Variants in SGK3 observed in about 807,000 individuals in gnomAD.
SGK3 encodes serum/glucocorticoid regulated kinase family member 3.
SGK3 carries 47 observed loss-of-function variants against 68.5 expected under a neutral mutation model. The observed-to-expected ratio is 0.69, with a 90% CI of 0.54 to 0.87. The LOEUF (loss-of-function observed/expected upper bound fraction) is 0.87. SGK3 is among the 40% of genes least tolerant of loss of function. SGK3 has a pLI of 0.00. For missense variants in SGK3, 479 were observed against 575.5 expected, an observed-to-expected ratio of 0.83 and a Z score of 1.72; for synonymous variants, 181 against 189.1, an observed-to-expected ratio of 0.96 and a Z score of 0.35.
chr8:66,755,133 C>G (rs1805935938), intron 1 of SGK3, among the ~76,000 whole-genome samples: 2 of 151,948 alleles, frequency 1.3e-5, no homozygotes, highest in Admixed American at 6.6e-5. Flanking sequence ...GTGCAGCACT[C>G]CTATAATCCC....
intron 1 of SGK3, among the ~76,000 whole-genome samples, chr8:66,762,806 C>T (rs1328933294): frequency 6.6e-6 from 1 of 152,166 alleles, no homozygotes; most frequent in Non-Finnish European, 1.5e-5. Context: ...CCTGTAGGAT[C>T]TCCCACTAAA....
chr8:66,806,830 A>C (rs922506612), intron 4 of SGK3, among the ~76,000 whole-genome samples: 1 of 151,902 alleles, frequency 6.6e-6, no homozygotes, highest in African/African-American at 2.4e-5. Flanking sequence ...AAAAAAAAAA[A>C]AGAAAACACA....
intron 1 of SGK3, among the ~76,000 whole-genome samples, chr8:66,753,136 A>G (rs1347445156): frequency 6.6e-6 from 1 of 152,224 alleles, no homozygotes; most frequent in African/African-American, 2.4e-5. Context: ...GTACAACAAC[A>G]TTATTATATT....
At chr8:66,774,469 G>C (rs1052188862) in intron 1 of SGK3, among the ~76,000 whole-genome samples, 1 of 152,020 alleles carries the variant, frequency 6.6e-6, no homozygotes, top group East Asian at 1.9e-4. Context: ...TTATTGGCTT[G>C]ATGCTTCCAG....
chr8:66,811,297 C>T (rs1041070875), intron 4 of SGK3, among the ~76,000 whole-genome samples: 5 of 152,170 alleles, frequency 3.3e-5, no homozygotes, highest in South Asian at 4.1e-4. Context: ...GGATTACAGA[C>T]GTGAGCCACT....
chr8:66,807,981 G>A (rs1469366034), intron 4 of SGK3, among the ~76,000 whole-genome samples: 1 of 150,956 alleles, frequency 6.6e-6, no homozygotes, highest in African/African-American at 2.4e-5. Flanking sequence ...CCATTAAATG[G>A]AAAAAAAAAT....
intron 14 of SGK3, among the ~76,000 whole-genome samples, chr8:66,844,075 C>G (rs1809912629): frequency 6.9e-6 from 1 of 145,606 alleles, no homozygotes; most frequent in Non-Finnish European, 1.5e-5. Flanking sequence ...CTCTGCTATT[C>G]TAATAACTAC....
chr8:66,821,615 C>G (rs1808827827), intron 5 of SGK3, among the ~76,000 whole-genome samples: 1 of 151,782 alleles, frequency 6.6e-6, no homozygotes, highest in Admixed American at 6.6e-5. Context: ...CGGGCTCACA[C>G]CATTCTCCTG....
chr8:66,755,803 G>A (rs1474538275), intron 1 of SGK3, among the ~76,000 whole-genome samples: 2 of 152,158 alleles, frequency 1.3e-5, no homozygotes, highest in East Asian at 3.8e-4. Context: ...TCATTTGTAT[G>A]CTAAATGATA....
At chr8:66,730,689 T>TTTTG (rs111485172) in intron 1 of SGK3, among the ~76,000 whole-genome samples, 19,999 of 151,736 alleles carry the variant, frequency 0.13, 2,501 homozygotes, top group African/African-American at 0.33. Context: ...CAGCACTGTT[T>TTTTG]TTTGTTTGTT....
chr8:66,850,543 T>G (rs759538082), intron 15 of SGK3, among the ~76,000 whole-genome samples: 100 of 152,204 alleles, frequency 6.6e-4, no homozygotes, highest in Non-Finnish European at 1.2e-3. Flanking sequence ...TAAAACATAC[T>G]TCCCCTGAAG....
intron 4 of SGK3, among the ~76,000 whole-genome samples, chr8:66,809,561 A>G (rs1808298039): frequency 6.6e-6 from 1 of 152,198 alleles, no homozygotes; most frequent in African/African-American, 2.4e-5. Flanking sequence ...AAAAAACCTT[A>G]TGAAATGCTG....
At chr8:66,732,642 C>G (rs1805195183) in intron 1 of SGK3, among the ~76,000 whole-genome samples, 1 of 152,056 alleles carries the variant, frequency 6.6e-6, no homozygotes, top group Non-Finnish European at 1.5e-5. Flanking sequence ...GTCAGGAGTT[C>G]AAGACCAGCC....
intron 2 of SGK3, among the ~76,000 whole-genome samples, chr8:66,795,937 T>C (rs1317881846): frequency 5.3e-5 from 8 of 152,150 alleles, no homozygotes; most frequent in Admixed American, 5.2e-4. Flanking sequence ...TTCTTCACTA[T>C]TGTTTCACCA....
intron 4 of SGK3, among the ~76,000 whole-genome samples, chr8:66,809,849 C>T (rs1445207610): frequency 6.6e-6 from 1 of 152,218 alleles, no homozygotes. Context: ...AGATGGCTCA[C>T]TCATATGGTT....
At chr8:66,750,452 T>G (rs1805780391) in intron 1 of SGK3, among the ~76,000 whole-genome samples, 1 of 152,008 alleles carries the variant, frequency 6.6e-6, no homozygotes, top group Non-Finnish European at 1.5e-5. Flanking sequence ...ATGTAGAGTT[T>G]AGTGGGATAG....
At chr8:66,718,751 C>T (rs904335104) in intron 1 of SGK3, among the ~76,000 whole-genome samples, 7 of 152,032 alleles carry the variant, frequency 4.6e-5, no homozygotes, top group Non-Finnish European at 1.5e-5. Context: ...TGGTCTCAAA[C>T]TCCCGACCTC....
chr8:66,785,518 T>C (rs1165185726), intron 1 of SGK3, among the ~76,000 whole-genome samples: 1 of 152,144 alleles, frequency 6.6e-6, no homozygotes, highest in Non-Finnish European at 1.5e-5. Flanking sequence ...GTCCTGTGCA[T>C]ATTGTAGATG....
chr8:66,859,230 G>A (rs1810659965), intron 16 of SGK3, among the ~76,000 whole-genome samples, 181 bp from the exon 17 acceptor site: 2 of 152,176 alleles, frequency 1.3e-5, no homozygotes, highest in Non-Finnish European at 2.9e-5. Flanking sequence ...CTACTCGGGA[G>A]GGTGAGGCAG....
Sources: allele counts gnomAD v4.1 joint callset (sites outside exome capture counted in the v4.1 genomes callset), GRCh38; gene constraint gnomAD v4.1.1; transcripts MANE v1.5; gene names NCBI Gene and HGNC (gene_info 2026-07-23, HGNC 2026-07-21).